The following COL1A2 variants were observed in gnomAD, a reference collection of about 807,000 sequenced individuals.
COL1A2 encodes collagen type I alpha 2 chain.
COL1A2 carries 49 observed loss-of-function variants against 174.3 expected under a neutral mutation model. That is an observed-to-expected ratio of 0.28 (90% CI 0.22 to 0.36). The LOEUF (loss-of-function observed/expected upper bound fraction) is 0.36, where lower values mean the gene tolerates loss of function less well. COL1A2 is among the 10% of genes least tolerant of loss of function. The pLI, the probability that COL1A2 is intolerant of heterozygous loss-of-function variation, is 1.00. For missense variants in COL1A2, 1,438 were observed against 1,822.7 expected (o/e 0.79, Z 3.84); for synonymous variants, 655 against 606.6 (o/e 1.08, Z -1.17).
intron 50 of COL1A2, 96 bp from the exon 51 acceptor site, chr7:94,429,092 T>C: frequency 9.9e-7 from 1 of 1,005,654 alleles, no homozygotes; most frequent in Non-Finnish European, 1.5e-6. Flanking sequence ...CTACTCTTCC[T>C]GAGATCTTTT....
chr7:94,426,696 C>A, intron 46 of COL1A2, 166 bp downstream of exon 46: 1 of 699,748 alleles, frequency 1.4e-6, no homozygotes, highest in Non-Finnish European at 2.6e-6. Flanking sequence ...TATTTCATAC[C>A]AACATGAAAG....
At chr7:94,429,128 TTG>T in intron 50 of COL1A2, 58 bp from the exon 51 acceptor site, 1 of 1,345,532 alleles carries the variant, frequency 7.4e-7, no homozygotes, top group Non-Finnish European at 1.0e-6. Flanking sequence ...TTTTTCATGT[TTG>T]ACTCTTAGTA....
intron 32 of COL1A2, among the ~76,000 whole-genome samples, chr7:94,418,284 T>C (rs1364919927): frequency 2.6e-5 from 4 of 152,238 alleles, no homozygotes; most frequent in Admixed American, 6.5e-5. Context: ...AAAGATTGTT[T>C]AACAATAATC....
intron 21 of COL1A2, 46 bp downstream of exon 21, chr7:94,410,573 T>A (rs1162284075): frequency 2.7e-6 from 4 of 1,456,192 alleles, no homozygotes; most frequent in Non-Finnish European, 3.8e-6. Context: ...AGAGGCAGAT[T>A]ATGATACCCC....
chr7:94,412,041 AT>A, intron 23 of COL1A2, 26 bp from the exon 24 acceptor site: 1 of 1,597,778 alleles, frequency 6.3e-7, no homozygotes, highest in East Asian at 2.2e-5. Context: ...AAGTGCCAAT[AT>A]AAAAACATCC....
chr7:94,427,704 C>T lies in COL1A2; in HGVS notation c.3345C>T (p.Asp1115=), dbSNP rs1175045207. The change falls in exon 49 of 52, where the codon GAC becomes GAT. Residue 1115 remains aspartate (D), a synonymous_variant. Transcript: ENST00000297268. ...GTTATGACTTTGGTTACGATGGAGA[C>T]TTCTACAGGGCTGACCAGCCTCGCT... ...GGGYDFGYDG[D]FYRADQPRSA... The T allele has an allele frequency of 3.1e-6, 5 of 1,614,142 alleles. No homozygotes were observed. The highest frequency in any genetic ancestry group is 4.2e-6 in the Non-Finnish European group (5 of 1,180,026).
chr7:94,421,209 T>C, intron 38 of COL1A2, 147 bp downstream of exon 38: 1 of 799,336 alleles, frequency 1.3e-6, no homozygotes, highest in Non-Finnish European at 2.1e-6. Flanking sequence ...AATTCCGATA[T>C]TGATGTTAAC....
intron 40 of COL1A2, chr7:94,423,693 T>C (rs2621214): frequency 0.77 from 124,420 of 162,316 alleles, 47,910 homozygotes; most frequent in East Asian, 0.91. Flanking sequence ...CTCCCCAGTT[T>C]AAGTAATTAT....
At position 94,420,563 on chromosome 7, in the gene COL1A2, C is replaced by T. The variant is rs895246439; in HGVS notation, c.2210C>T (p.Ala737Val). ...GPAGAAGQPGAKGERGAKGPK... is the reference protein window; with the variant it reads ...GPAGAAGQPGVKGERGAKGPK... Reference sequence around the variant, plus strand: ...CAGGGTGCTGCTGGTCAACCTGGTGCTAAAGGAGAAAGAGGAGCCAAAGGG... The same window carrying T: ...CAGGGTGCTGCTGGTCAACCTGGTGTTAAAGGAGAAAGAGGAGCCAAAGGG... Residue 737 changes from alanine (A) to valine (V), a missense_variant, in exon 37 of 52, where the codon GCT becomes GTT. Physicochemically the swap from Ala to Val is moderately conservative, Grantham distance 64 (BLOSUM62 0). Transcript: ENST00000297268. 1 of 1,613,780 alleles carries T rather than the reference C, an allele frequency of 6.2e-7. No individual in the cohort carries two copies. Among genetic ancestry groups the T allele is most frequent in the Non-Finnish European group, 8.5e-7 (1 of 1,179,966 alleles).
chr7:94,423,510 G>C, intron 40 of COL1A2: 1 of 188,552 alleles, frequency 5.3e-6, no homozygotes, highest in South Asian at 1.1e-4. Flanking sequence ...GCCCCTATTA[G>C]ACCTTAGAGG....
intron 38 of COL1A2, 150 bp from the exon 39 acceptor site, chr7:94,421,749 A>G: frequency 1.3e-6 from 1 of 788,366 alleles, no homozygotes; most frequent in Non-Finnish European, 2.2e-6. Flanking sequence ...GGTCCTGGCT[A>G]AATAATGCCC....
intron 1 of COL1A2, among the ~76,000 whole-genome samples, chr7:94,396,437 C>T (rs955539184): frequency 1.3e-5 from 2 of 151,656 alleles, no homozygotes; most frequent in Non-Finnish European, 2.9e-5. Context: ...TTCACATTAC[C>T]GAGTTCATAT....
rs1183879808 is a variant in COL1A2, at chr7:94,421,884, G to A, written c.2350-15G>A. 2 of 1,604,260 alleles carry A rather than the reference G, an allele frequency of 1.2e-6. No homozygotes were observed. The highest frequency in any genetic ancestry group is 1.7e-6 in the Non-Finnish European group (2 of 1,174,084). On this transcript the variant is annotated splice_polypyrimidine_tract_variant and intron_variant, in intron 38 of 51. Coordinates refer to ENST00000297268, the MANE Select transcript of COL1A2 (RefSeq NM_000089.4). ...TTGATGTTGACTGTGGAATTCTAAT[G>A]TGCTTGGCTCTTAGGGTATGACTGG...
intron 1 of COL1A2, among the ~76,000 whole-genome samples, chr7:94,396,419 T>G (rs994633857): frequency 6.6e-6 from 1 of 152,004 alleles, no homozygotes; most frequent in African/African-American, 2.4e-5. Context: ...GTAATTGCAG[T>G]GAACAAATTC....
chr7:94,414,342 C>T lies in COL1A2; in HGVS notation c.1719+67C>T, dbSNP rs548594834. On this transcript the variant is annotated intron_variant, in intron 29 of 51. Transcript: ENST00000297268. ...GAGAATTTCCCCCTGTTTAATACCC[C>T]ACTGCTATGCAATTATAATATGTAA... 15 of 1,293,218 alleles carry T rather than the reference C, an allele frequency of 1.2e-5. No homozygotes were observed. In the South Asian group the frequency reaches 1.4e-4, roughly 12 times the overall value. The allele number at this position is 1,293,218 out of a possible 1,614,324, so 80.1% of individuals were successfully genotyped here.
chr7:94,428,856 A>C (rs951891566), intron 50 of COL1A2, among the ~76,000 whole-genome samples: 2 of 152,144 alleles, frequency 1.3e-5, no homozygotes, highest in African/African-American at 2.4e-5. Context: ...GGAATTCCAT[A>C]AATTACAAAA....
intron 16 of COL1A2, 121 bp from the exon 17 acceptor site, chr7:94,409,201 A>G (rs1791865222): frequency 2.1e-6 from 2 of 968,938 alleles, no homozygotes; most frequent in African/African-American, 1.6e-5. Context: ...TAAAACGGAT[A>G]AGAAAAATAA....
At chr7:94,403,403 C>T (rs1040874179) in intron 6 of COL1A2, among the ~76,000 whole-genome samples, 2 of 152,150 alleles carry the variant, frequency 1.3e-5, no homozygotes, top group African/African-American at 2.4e-5. Flanking sequence ...CAGGGTTCTT[C>T]TCTGAATTAA....
Position 94,427,192 on chromosome 7 carries a change from C to T in COL1A2, c.3164C>T (p.Pro1055Leu). The T allele has an allele frequency of 1.2e-6, 2 of 1,613,994 alleles. No homozygotes were observed. The highest frequency in any genetic ancestry group is 1.7e-6 in the Non-Finnish European group (2 of 1,179,954). ...GSVGPAGPRG[P>L]AGPSGPAGKD... ...CCTGGTGTCTGTCTTCCTTAGGGCCCTGCTGGTCCTTCTGGCCCTGCTGGA... is the reference window on the plus strand; with the variant it reads ...CCTGGTGTCTGTCTTCCTTAGGGCCTTGCTGGTCCTTCTGGCCCTGCTGGA... The change falls in exon 48 of 52, where the codon CCT becomes CTT. Residue 1055 changes from proline to leucine, a missense_variant. By Grantham distance (98) the Pro-to-Leu change is moderately conservative. This residue lies in a region of COL1A2 where 867 missense variants were observed against 1,213.7 expected (regional missense o/e 0.71). Coordinates refer to ENST00000297268, the MANE Select transcript of COL1A2 (RefSeq NM_000089.4).
Sources: gnomAD v4.1 joint callset for allele counts (sites outside exome capture counted in the v4.1 genomes callset) on GRCh38, gnomAD v4.1.1 for gene constraint, gnomAD v4.1.1 regional missense constraint, MANE v1.5 for transcripts, NCBI Gene and HGNC (gene_info 2026-07-23, HGNC 2026-07-21) for gene names.